Variants in NFIB observed in about 807,000 individuals in gnomAD.
NFIB encodes the protein nuclear factor I B.
In NFIB, 11 loss-of-function variants were observed where a neutral mutation model predicts 61.5. That is an observed-to-expected ratio of 0.18 (90% CI 0.11 to 0.30). The LOEUF is 0.30. NFIB is among the 10% of genes least tolerant of loss of function. NFIB has a pLI of 1.00. For missense variants in NFIB, 471 were observed against 608.9 expected, an observed-to-expected ratio of 0.77 and a Z score of 2.38; for synonymous variants, 260 against 216.5, an observed-to-expected ratio of 1.20 and a Z score of -1.76.
chr9:14,420,952 A>G, the NFIB span, among the ~76,000 whole-genome samples: 1 of 148,296 alleles, frequency 6.7e-6, no homozygotes, highest in South Asian at 2.1e-4. Flanking sequence ...AGAGTAAGCC[A>G]TTTTTTTTTT....
intron 3 of NFIB, among the ~76,000 whole-genome samples, chr9:14,159,559 T>G (rs1316232529): frequency 6.6e-6 from 1 of 152,202 alleles, no homozygotes; most frequent in Admixed American, 6.5e-5. Flanking sequence ...AGCAGATGGC[T>G]GCCACCTTCA....
chr9:14,117,406 AT>A (rs539187121), intron 8 of NFIB, among the ~76,000 whole-genome samples: 72 of 152,146 alleles, frequency 4.7e-4, no homozygotes, highest in Non-Finnish European at 9.6e-4. Context: ...CCATGTTGGA[AT>A]TCTCCACTGC....
At chr9:14,290,707 T>C (rs2059034228) in intron 2 of NFIB, among the ~76,000 whole-genome samples, 1 of 152,058 alleles carries the variant, frequency 6.6e-6, no homozygotes, top group South Asian at 2.1e-4. Flanking sequence ...CAGTGACCAA[T>C]CACTAGTGCA....
chr9:14,520,107 T>C, the NFIB span, among the ~76,000 whole-genome samples: 2 of 151,808 alleles, frequency 1.3e-5, no homozygotes, highest in Non-Finnish European at 2.9e-5. Context: ...ACAATAGATA[T>C]TATCTTACAC....
At chr9:14,193,702 A>G (rs978441830) in intron 2 of NFIB, among the ~76,000 whole-genome samples, 12 of 152,372 alleles carry the variant, frequency 7.9e-5, no homozygotes, top group South Asian at 6.2e-4. Context: ...TCATACGCAC[A>G]GGGATATATA....
At chr9:14,511,983 T>C in the NFIB span, among the ~76,000 whole-genome samples, 1 of 152,256 alleles carries the variant, frequency 6.6e-6, no homozygotes, top group Non-Finnish European at 1.5e-5. Flanking sequence ...ACAATTAAAC[T>C]GTTTTATTTA....
At chr9:14,188,815 T>C (rs1325514101) in intron 2 of NFIB, among the ~76,000 whole-genome samples, 2 of 152,168 alleles carry the variant, frequency 1.3e-5, no homozygotes, top group South Asian at 2.1e-4. Flanking sequence ...ATACATTTTT[T>C]CCCCTTGGAA....
chr9:14,099,082 C>T (rs1302367197), intron 10 of NFIB, among the ~76,000 whole-genome samples: 1 of 152,118 alleles, frequency 6.6e-6, no homozygotes, highest in African/African-American at 2.4e-5. Flanking sequence ...TAGTATAAAG[C>T]AGAAAAGAGG....
intron 2 of NFIB, among the ~76,000 whole-genome samples, chr9:14,187,244 T>C (rs1192085388): frequency 6.6e-6 from 1 of 151,978 alleles, no homozygotes; most frequent in Non-Finnish European, 1.5e-5. Flanking sequence ...TCTTGTTTGT[T>C]GTTTGTTTGT....
chr9:14,317,782 G>A (rs1357968895), upstream of NFIB, among the ~76,000 whole-genome samples: 1 of 152,158 alleles, frequency 6.6e-6, no homozygotes, highest in Non-Finnish European at 1.5e-5. Context: ...TCGGTGCATG[G>A]GATGCCTGGC....
chr9:14,261,578 G>A (rs1478930462), intron 2 of NFIB, among the ~76,000 whole-genome samples: 1 of 152,100 alleles, frequency 6.6e-6, no homozygotes, highest in Non-Finnish European at 1.5e-5. Context: ...GTGCAAGGGG[G>A]AGAATGCAGG....
chr9:14,500,508 T>C, the NFIB span, among the ~76,000 whole-genome samples: 2 of 152,166 alleles, frequency 1.3e-5, no homozygotes, highest in Admixed American at 6.5e-5. Flanking sequence ...ATCATGTGGA[T>C]CAGTTCCCTC....
At chr9:14,523,071 A>T in the NFIB span, among the ~76,000 whole-genome samples, 3 of 152,168 alleles carry the variant, frequency 2.0e-5, no homozygotes, top group Non-Finnish European at 4.4e-5. Flanking sequence ...ATAGAAGGGT[A>T]GTGTCTGGCT....
At chr9:14,520,792 G>A in the NFIB span, among the ~76,000 whole-genome samples, 1 of 152,164 alleles carries the variant, frequency 6.6e-6, no homozygotes, top group Admixed American at 6.5e-5. Flanking sequence ...TAGTAAATGT[G>A]CATTTCAGGT....
At chr9:14,473,379 T>C in the NFIB span, among the ~76,000 whole-genome samples, 1 of 151,794 alleles carries the variant, frequency 6.6e-6, no homozygotes, top group Non-Finnish European at 1.5e-5. Context: ...ATTGAATTAT[T>C]TTCAGAGAAG....
chr9:14,406,803 G>C, the NFIB span, among the ~76,000 whole-genome samples: 1 of 152,294 alleles, frequency 6.6e-6, no homozygotes, highest in African/African-American at 2.4e-5. Flanking sequence ...TTCAGGTCAA[G>C]GTGATCCTGG....
At position 14,155,951 on chromosome 9, in the gene NFIB, T is replaced by C. The variant is rs10810097; in HGVS notation, c.617-58A>G. ...TATAAGCAGAAAGTAAAATAAATGA[T>C]TATACACTAGAATTTAAGTGTTTTA... On this transcript the variant is annotated intron_variant, in intron 3 of 10. Transcript: ENST00000380953. The C allele has an allele frequency of 0.021, 22,395 of 1,053,544 alleles. 1,314 individuals are homozygous for C. The East Asian group carries it at 0.23, about 11-fold the overall frequency. The allele number at this position is 1,053,544 out of a possible 1,614,324, so 65.3% of individuals were successfully genotyped here. A position where few individuals can be genotyped will look rare whatever the true frequency, so the allele number is the denominator to read the frequency against.
At chr9:14,259,308 G>C (rs2056524308) in intron 2 of NFIB, among the ~76,000 whole-genome samples, 2 of 152,172 alleles carry the variant, frequency 1.3e-5, no homozygotes, top group Non-Finnish European at 2.9e-5. Flanking sequence ...AGATGTCTAG[G>C]AAAGAAATTA....
chr9:14,392,294 C>G (rs950631555), intron 1 of NFIB, among the ~76,000 whole-genome samples: 5 of 152,182 alleles, frequency 3.3e-5, no homozygotes, highest in African/African-American at 1.2e-4. Context: ...CATTGTCTAT[C>G]AACATTGGTT....
Sources: gnomAD v4.1 joint callset for allele counts (sites outside exome capture counted in the v4.1 genomes callset) on GRCh38, gnomAD v4.1.1 for gene constraint, MANE v1.5 for transcripts, NCBI Gene and HGNC (gene_info 2026-07-23, HGNC 2026-07-21) for gene names.